The following PABPC4L variants were observed in gnomAD, a reference collection of about 807,000 sequenced individuals.
PABPC4L encodes the protein polyadenylate-binding protein 4-like.
For missense variants in PABPC4L, 452 were observed against 451.4 expected (o/e 1.00, Z -0.01); for synonymous variants, 169 against 164.1 (o/e 1.03, Z -0.23).
the PABPC4L span, among the ~76,000 whole-genome samples, chr4:133,985,053 G>A: frequency 2.6e-5 from 4 of 152,072 alleles, no homozygotes; most frequent in East Asian, 7.7e-4. Context: ...AATGCTTGTT[G>A]TTATCGAGCT....
the PABPC4L span, among the ~76,000 whole-genome samples, chr4:134,087,892 G>A: frequency 0.012 from 1,776 of 151,982 alleles, 37 homozygotes; most frequent in African/African-American, 0.041. Flanking sequence ...TACATTCTAC[G>A]TTAATACATC....
chr4:134,122,705 TCTCTCTA>T, the PABPC4L span, among the ~76,000 whole-genome samples: 24 of 151,972 alleles, frequency 1.6e-4, no homozygotes, highest in African/African-American at 5.5e-4. Context: ...TTATCTAAAG[TCTCTCTA>T]ATTTGCTTCT....
At chr4:134,143,166 A>C in the PABPC4L span, among the ~76,000 whole-genome samples, 5 of 151,280 alleles carry the variant, frequency 3.3e-5, no homozygotes, top group Non-Finnish European at 5.9e-5. Context: ...TTTGTATGAC[A>C]AGCTCTATTG....
chr4:134,060,809 TA>T, the PABPC4L span, among the ~76,000 whole-genome samples: 1 of 151,896 alleles, frequency 6.6e-6, no homozygotes, highest in Non-Finnish European at 1.5e-5. Flanking sequence ...TTAACGGAAA[TA>T]AGCCAAGCAT....
the PABPC4L span, among the ~76,000 whole-genome samples, chr4:134,050,236 C>T: frequency 6.6e-6 from 1 of 152,118 alleles, no homozygotes; most frequent in Non-Finnish European, 1.5e-5. Flanking sequence ...ATTAAGACAT[C>T]TCATGAATGC....
the PABPC4L span, among the ~76,000 whole-genome samples, chr4:134,145,064 A>G: frequency 2.0e-5 from 3 of 151,768 alleles, no homozygotes. Context: ...AAATAAGTAA[A>G]TTGCTTGGTC....
the PABPC4L span, among the ~76,000 whole-genome samples, chr4:134,018,424 C>T: frequency 6.6e-6 from 1 of 152,094 alleles, no homozygotes; most frequent in African/African-American, 2.4e-5. Flanking sequence ...AATTACATAT[C>T]ACAGGCATTT....
At chr4:134,184,001 A>G in the PABPC4L span, among the ~76,000 whole-genome samples, 10 of 151,818 alleles carry the variant, frequency 6.6e-5, no homozygotes, top group African/African-American at 2.4e-4. Flanking sequence ...CATCATATCT[A>G]TGGATATTCA....
At chr4:134,003,220 C>T in the PABPC4L span, among the ~76,000 whole-genome samples, 1 of 151,938 alleles carries the variant, frequency 6.6e-6, no homozygotes, top group Non-Finnish European at 1.5e-5. Flanking sequence ...ATTTAGTTCA[C>T]GGAAAGGAGA....
chr4:134,170,881 C>T, the PABPC4L span, among the ~76,000 whole-genome samples: 1 of 152,290 alleles, frequency 6.6e-6, no homozygotes. Context: ...AATGGTACTT[C>T]TCTTTTAAGT....
At chr4:134,030,898 G>A in the PABPC4L span, among the ~76,000 whole-genome samples, 271 of 151,882 alleles carry the variant, frequency 1.8e-3, 1 homozygote, top group African/African-American at 6.1e-3. Context: ...AATTTTCTTC[G>A]TCTGAAGCAG....
At chr4:134,068,283 T>C in the PABPC4L span, among the ~76,000 whole-genome samples, 30 of 152,180 alleles carry the variant, frequency 2.0e-4, no homozygotes, top group Non-Finnish European at 2.9e-4. Context: ...AATATCCTTC[T>C]TTGTCTCTTT....
At chr4:134,180,514 C>T in the PABPC4L span, among the ~76,000 whole-genome samples, 7 of 151,508 alleles carry the variant, frequency 4.6e-5, no homozygotes, top group Non-Finnish European at 1.0e-4. Flanking sequence ...TAGCAGAAGA[C>T]AAGAAATAAC....
the PABPC4L span, among the ~76,000 whole-genome samples, chr4:134,168,989 C>G: frequency 7.2e-5 from 11 of 152,020 alleles, no homozygotes; most frequent in Admixed American, 7.2e-4. Context: ...GATAAAACAG[C>G]AGCAACAAAC....
At chr4:133,999,607 G>A in the PABPC4L span, among the ~76,000 whole-genome samples, 1 of 151,962 alleles carries the variant, frequency 6.6e-6, no homozygotes, top group Non-Finnish European at 1.5e-5. Flanking sequence ...GCCTGAATAT[G>A]CTTTTTATAA....
the PABPC4L span, among the ~76,000 whole-genome samples, chr4:133,982,398 A>G: frequency 6.6e-6 from 1 of 152,010 alleles, no homozygotes; most frequent in African/African-American, 2.4e-5. Context: ...AACTCTTTCA[A>G]CAATTATTCA....
At chr4:134,017,454 A>G in the PABPC4L span, among the ~76,000 whole-genome samples, 1 of 152,022 alleles carries the variant, frequency 6.6e-6, no homozygotes. Context: ...CACCATTCTC[A>G]ACTACTCATA....
chr4:134,024,557 A>C, the PABPC4L span, among the ~76,000 whole-genome samples: 1 of 152,196 alleles, frequency 6.6e-6, no homozygotes, highest in African/African-American at 2.4e-5. Context: ...CAAGAACAAC[A>C]GTCCTATTGG....
the PABPC4L span, among the ~76,000 whole-genome samples, chr4:134,175,812 G>A: frequency 3.9e-5 from 6 of 152,084 alleles, no homozygotes; most frequent in Non-Finnish European, 7.4e-5. Context: ...TTGAAAACAG[G>A]AGACTAATCC....
Sources: allele counts gnomAD v4.1 joint callset (sites outside exome capture counted in the v4.1 genomes callset), GRCh38; gene constraint gnomAD v4.1.1; transcripts MANE v1.5; gene names NCBI Gene and HGNC (gene_info 2026-07-23, HGNC 2026-07-21).